The following TSEN2 variants were observed in gnomAD, a reference collection of about 807,000 sequenced individuals.
The protein encoded by TSEN2 is tRNA splicing endonuclease subunit 2.
In TSEN2, 54 loss-of-function variants were observed where a neutral mutation model predicts 59.2. The ratio of observed to expected loss-of-function variants is 0.91; its 90% CI spans 0.73 to 1.14. TSEN2 has a LOEUF of 1.14. Among genes scored for constraint, TSEN2 ranks in the 50% most tolerant of loss-of-function variants. TSEN2 has a pLI of 0.00. For synonymous variants in TSEN2, 195 were observed against 198.2 expected, an observed-to-expected ratio of 0.98 and a Z score of 0.14; for missense variants, 636 against 576.2, an observed-to-expected ratio of 1.10 and a Z score of -1.06.
intron 4 of TSEN2, among the ~76,000 whole-genome samples, chr3:12,497,514 G>A (rs1264599374): frequency 2.0e-5 from 3 of 152,200 alleles, no homozygotes; most frequent in Non-Finnish European, 4.4e-5. Flanking sequence ...GGATTCTGGT[G>A]TGTGGGAGGG....
intron 1 of TSEN2, among the ~76,000 whole-genome samples, chr3:12,487,235 G>T (rs1302455158): frequency 6.6e-6 from 1 of 152,214 alleles, no homozygotes; most frequent in Non-Finnish European, 1.5e-5. Context: ...CCAAATTCCT[G>T]AGGGGTGTGC....
chr3:12,481,615 T>C (rs1290316890), upstream of TSEN2, among the ~76,000 whole-genome samples: 1 of 152,132 alleles, frequency 6.6e-6, no homozygotes, highest in Non-Finnish European at 1.5e-5. Context: ...AGAATAGGTG[T>C]GTTAGATAAG....
At chr3:12,497,563 A>C (rs555794092) in intron 4 of TSEN2, among the ~76,000 whole-genome samples, 2 of 152,120 alleles carry the variant, frequency 1.3e-5, no homozygotes, top group Non-Finnish European at 2.9e-5. Flanking sequence ...GCCTTGGAGG[A>C]GCTATAGTGC....
chr3:12,528,811 C>A, intron 8 of TSEN2, 77 bp from the exon 9 acceptor site: 1 of 1,509,672 alleles, frequency 6.6e-7, no homozygotes, highest in African/African-American at 1.4e-5. Flanking sequence ...GTTAATAAAG[C>A]AAGCTTTTTG....
intron 2 of TSEN2, among the ~76,000 whole-genome samples, chr3:12,491,558 C>T (rs756670118): frequency 6.6e-6 from 1 of 152,160 alleles, no homozygotes; most frequent in East Asian, 1.9e-4. Flanking sequence ...TGCCTGCCCT[C>T]GGCTTATCAG....
chr3:12,530,467 CAG>C (rs1314333884), intron 10 of TSEN2: 1 of 985,402 alleles, frequency 1.0e-6, no homozygotes, highest in Non-Finnish European at 1.2e-6. Flanking sequence ...GTGTTGCCAT[CAG>C]AGATAGGAGG....
intron 10 of TSEN2, chr3:12,531,267 G>A (rs1187043074): frequency 9.6e-6 from 3 of 313,536 alleles, no homozygotes; most frequent in East Asian, 1.4e-4. Context: ...CTTAAAGTCC[G>A]TGTCCAAGAA....
At chr3:12,539,360 C>T (rs1042287596) in exon 11 of TSEN2, 2 of 316,304 alleles carry the variant, frequency 6.3e-6, no homozygotes, top group African/African-American at 2.3e-5. Context: ...TCTGGAACTC[C>T]TGACCTCAAG....
downstream of TSEN2, among the ~76,000 whole-genome samples, chr3:12,537,643 CT>C (rs2057705056): frequency 6.6e-6 from 1 of 152,186 alleles, no homozygotes; most frequent in Non-Finnish European, 1.5e-5. Flanking sequence ...GGGTTGTCCT[CT>C]TGACCACTGC....
intron 6 of TSEN2, among the ~76,000 whole-genome samples, chr3:12,507,931 G>T (rs2055011975): frequency 6.6e-6 from 1 of 152,206 alleles, no homozygotes; most frequent in South Asian, 2.1e-4. Context: ...AATGGGGCTT[G>T]CCACATGGAC....
rs776261714 is a variant in TSEN2, at chr3:12,505,232, G to C, written c.909+1G>C. 1 of 1,596,344 alleles carries C rather than the reference G, an allele frequency of 6.3e-7. No individual in the cohort carries two copies. ...GTATTTGCAACTCAGCCTAGAAGAG[G>C]TATGTTTTCAACATATTATTATTTC... On this transcript the variant is annotated splice_donor_variant, in intron 6 of 11. Transcript: ENST00000284995. LOFTEE classifies it high-confidence loss of function.
intron 6 of TSEN2, among the ~76,000 whole-genome samples, chr3:12,515,708 A>G (rs1446445125): frequency 6.6e-6 from 1 of 152,180 alleles, no homozygotes; most frequent in Non-Finnish European, 1.5e-5. Context: ...AACTGGAGCC[A>G]ATTTTCTTTG....
intron 7 of TSEN2, 25 bp downstream of exon 7, chr3:12,516,686 C>A (rs2056158194): frequency 6.2e-7 from 1 of 1,609,976 alleles, no homozygotes; most frequent in East Asian, 2.2e-5. Flanking sequence ...TTACATACAA[C>A]CCACTTAAAA....
intron 6 of TSEN2, among the ~76,000 whole-genome samples, chr3:12,514,472 T>C (rs2055840906): frequency 6.6e-6 from 1 of 151,944 alleles, no homozygotes; most frequent in Non-Finnish European, 1.5e-5. Flanking sequence ...TGTAGAGGGC[T>C]CAGAACAGGG....
intron 8 of TSEN2, among the ~76,000 whole-genome samples, chr3:12,527,219 AC>A (rs1262057944): frequency 6.6e-6 from 1 of 152,250 alleles, no homozygotes; most frequent in African/African-American, 2.4e-5. Flanking sequence ...AATAGGAAAT[AC>A]AGAAAGGAAA....
In TSEN2 at chr3:12,516,733, A is replaced by G. The variant is rs1016850128; in HGVS notation, c.960+72A>G. 1.6e-5 allele frequency: 21 copies of G among 1,326,062 alleles called. No individual in the cohort carries two copies. The African/African-American group carries it at 1.7e-4, about 11-fold the overall frequency. 82.1% of individuals were successfully genotyped at this position (1,326,062 alleles called of 1,614,324 possible). ...TTAAAAGCAGGTTGTACTAATTTCT[A>G]TATTGCATTAATACAAATGTTTCTA... is the stretch of plus-strand genomic sequence containing the variant. On this transcript the variant is annotated intron_variant, in intron 7 of 11. Transcript: ENST00000284995.
chr3:12,482,524 A>T (rs1002168937), upstream of TSEN2, among the ~76,000 whole-genome samples: 7 of 151,614 alleles, frequency 4.6e-5, no homozygotes, highest in African/African-American at 1.7e-4. Context: ...CTTGGGGAAA[A>T]TTTCTTTCTT....
At chr3:12,528,740 A>G (rs1453972274) in intron 8 of TSEN2, 148 bp from the exon 9 acceptor site, 31 of 777,810 alleles carry the variant, frequency 4.0e-5, no homozygotes, top group Non-Finnish European at 5.9e-5. Flanking sequence ...CCACAGGCAT[A>G]TTGCAGATGA....
intron 1 of TSEN2, 58 bp downstream of exon 1, chr3:12,484,938 ATTTT>A (rs2052446015): frequency 6.6e-6 from 1 of 152,068 alleles, no homozygotes; most frequent in East Asian, 1.9e-4. Flanking sequence ...TGCGCAGTTT[ATTTT>A]ATTTGCAGCT....
Sources: gnomAD v4.1 joint callset for allele counts (sites outside exome capture counted in the v4.1 genomes callset) on GRCh38, gnomAD v4.1.1 for gene constraint, MANE v1.5 for transcripts, NCBI Gene and HGNC (gene_info 2026-07-23, HGNC 2026-07-21) for gene names.